Variants in TJP1 observed in about 807,000 individuals in gnomAD.
TJP1 encodes tight junction protein 1, also known as tight junction protein ZO-1.
In TJP1, 43 loss-of-function variants were observed where a neutral mutation model predicts 194.2. That is an observed-to-expected ratio of 0.22 (90% CI 0.17 to 0.29). The LOEUF is 0.29. Ranked by LOEUF, TJP1 falls within the 10% of genes least tolerant of loss-of-function variation. The pLI is 1.00. For synonymous variants in TJP1, 801 were observed against 779.0 expected (o/e 1.03, Z -0.47); for missense variants, 1,971 against 2,185.7 (o/e 0.90, Z 1.96).
intron 23 of TJP1, 128 bp from the exon 24 acceptor site, chr15:29,711,128 T>TAGCTACCCATACTC: frequency 9.6e-7 from 1 of 1,045,868 alleles, no homozygotes; most frequent in Non-Finnish European, 1.3e-6. Flanking sequence ...TTCTCATGAG[T>TAGCTACCCATACTC]ATGGGTAGCT....
At chr15:29,933,830 T>C (rs1018534566) in intron 2 of TJP1, among the ~76,000 whole-genome samples, 2 of 151,776 alleles carry the variant, frequency 1.3e-5, no homozygotes, top group African/African-American at 4.8e-5. Context: ...TTTAAAAGAG[T>C]TCTGGATCAT....
intron 16 of TJP1, 119 bp downstream of exon 16, chr15:29,727,818 T>G: frequency 1.4e-6 from 1 of 730,422 alleles, no homozygotes; most frequent in Non-Finnish European, 2.3e-6. Flanking sequence ...GGCTTAATTT[T>G]CTTATAGTAT....
intron 1 of TJP1, among the ~76,000 whole-genome samples, chr15:29,801,100 T>C (rs1013732085): frequency 3.3e-5 from 5 of 152,216 alleles, no homozygotes; most frequent in Non-Finnish European, 7.3e-5. Context: ...TAAATGCCTC[T>C]GAACACAGTA....
Position 29,955,081 on chromosome 15 carries a change from GA to G in TJP1, c.306+1150del, listed in dbSNP as rs973904104. Among the ~76,000 whole-genome samples, 608 of 144,264 alleles carry G rather than the reference GA, an allele frequency of 4.2e-3. 3 individuals carry two copies. Among genetic ancestry groups the G allele is most frequent in the Non-Finnish European group, 5.9e-3 (386 of 65,704 alleles). The allele number at this position is 144,264 out of a possible 152,430, so 94.6% of individuals were successfully genotyped here. ...GGCAACAGAGCAAGACTCCATCTCA[GA>G]AAAAAAAAAATAATAATAATAGAGT... On this transcript the variant is annotated intron_variant, in intron 2 of 28. Coordinates refer to the TJP1 transcript ENST00000356107.
In TJP1 at chr15:29,780,651, T is replaced by A. The variant is rs536556545; in HGVS notation, c.85-7294A>T. Among the ~76,000 whole-genome samples the A allele has an allele frequency of 3.6e-4, 55 of 152,192 alleles. 1 individual carries two copies. In the South Asian group the frequency reaches 0.011, roughly 30 times the overall value. ...ATAACATCTCTGCAGACAATAAAAG[T>A]ATGCCTGAAAGAAGGCTTAAAAGAG... On this transcript the variant is annotated intron_variant, in intron 2 of 27. Coordinates refer to ENST00000614355, the MANE Select transcript of TJP1 (RefSeq NM_001330239.4).
chr15:29,829,009 C>T (rs190085537), intron 2 of TJP1, among the ~76,000 whole-genome samples: 247 of 152,228 alleles, frequency 1.6e-3, no homozygotes, highest in African/African-American at 5.5e-3. Flanking sequence ...GCCTTGGCCT[C>T]CCTAAGTGCT....
chr15:29,766,681 A>C (rs1566983324), intron 4 of TJP1, 139 bp from the exon 5 acceptor site: 1 of 782,424 alleles, frequency 1.3e-6, no homozygotes, highest in East Asian at 3.1e-5. Flanking sequence ...CAACTACAAC[A>C]AATTTCTAAG....
chr15:29,710,463 A>C (rs1418235137), intron 24 of TJP1, among the ~76,000 whole-genome samples: 1 of 152,222 alleles, frequency 6.6e-6, no homozygotes, highest in East Asian at 1.9e-4. Context: ...CTGGTATGTA[A>C]ATGCAAAAGT....
chr15:29,822,293 C>T lies in TJP1; in HGVS notation c.-265G>A. 1.8e-6 allele frequency: 2 copies of T among 1,132,666 alleles called. No homozygotes were observed. Among genetic ancestry groups the T allele is most frequent in the Non-Finnish European group, 2.2e-6 (2 of 923,956 alleles). The allele number at this position is 1,132,666 out of a possible 1,614,324, so 70.2% of individuals were successfully genotyped here. ...GCGCGGCCACCCACTCGGCCTCCCG[C>T]AGCTTTCGCAGCCCGGCCACGTCGG... On this transcript the variant is annotated 5_prime_UTR_variant, in exon 1 of 28. Coordinates refer to ENST00000614355, the MANE Select transcript of TJP1 (RefSeq NM_001330239.4).
At chr15:29,949,534 C>CACA (rs2055504050) in intron 2 of TJP1, among the ~76,000 whole-genome samples, 7 of 140,836 alleles carry the variant, frequency 5.0e-5, no homozygotes, top group South Asian at 2.3e-4. Flanking sequence ...CCACCACCTC[C>CACA]ACCACCACCA....
At chr15:29,791,936 C>T (rs1218991958) in intron 2 of TJP1, among the ~76,000 whole-genome samples, 3 of 152,202 alleles carry the variant, frequency 2.0e-5, no homozygotes, top group East Asian at 3.9e-4. Flanking sequence ...AACATCTATT[C>T]AGCTCTTGTG....
At chr15:29,903,687 G>A (rs1299420974) in intron 2 of TJP1, among the ~76,000 whole-genome samples, 1 of 152,046 alleles carries the variant, frequency 6.6e-6, no homozygotes, top group African/African-American at 2.4e-5. Context: ...CTTGTGATCC[G>A]CCCGCCTCGG....
Position 29,742,798 on chromosome 15 carries a change from T to C in TJP1, c.1011-17A>G. On this transcript the variant is annotated splice_polypyrimidine_tract_variant and intron_variant, in intron 8 of 27. Transcript: ENST00000614355. ...CTCCGGAGACTGTGTGTCATTAAAATAAAAAATCAAGAGCATAAGAATGAT... is the reference window on the plus strand; with the variant it reads ...CTCCGGAGACTGTGTGTCATTAAAACAAAAAATCAAGAGCATAAGAATGAT... 1.9e-6 allele frequency: 3 copies of C among 1,564,438 alleles called. 1 individual carries two copies. Among genetic ancestry groups the C allele is most frequent in the South Asian group, 2.5e-5 (2 of 80,876 alleles).
chr15:29,766,304 G>C lies in TJP1; in HGVS notation c.551C>G (p.Pro184Arg). Residue 184 changes from proline to arginine, a missense_variant, in exon 5 of 28, where the codon CCT becomes CGT. By Grantham distance (103) the Pro-to-Arg change is moderately radical. Coordinates refer to ENST00000614355, the MANE Select transcript of TJP1 (RefSeq NM_001330239.4). ...GGATTTCACCAGTGTGACTTTAGTA[G>C]GTTTAGCAGGCTGGCTGGAAGCCAC... The part of the protein sequence containing the change: ...RSVASSQPAK[P>R]TKVTLVKSRK... 1 of 1,614,112 alleles carries C rather than the reference G, an allele frequency of 6.2e-7. No homozygotes were observed.
chr15:29,950,165 A>ACCTC (rs1289453912), intron 2 of TJP1, among the ~76,000 whole-genome samples: 1 of 94,642 alleles, frequency 1.1e-5, no homozygotes, highest in Non-Finnish European at 2.2e-5. Context: ...CACCACCACC[A>ACCTC]CAACCACTAC....
intron 4 of TJP1, among the ~76,000 whole-genome samples, chr15:29,767,979 G>A (rs2046427429): frequency 6.6e-6 from 1 of 151,998 alleles, no homozygotes; most frequent in African/African-American, 2.4e-5. Context: ...CCTAAAATCT[G>A]TCCTCTACCT....
At chr15:29,813,850 G>A (rs1476763118) in intron 1 of TJP1, among the ~76,000 whole-genome samples, 1 of 152,188 alleles carries the variant, frequency 6.6e-6, no homozygotes, top group Non-Finnish European at 1.5e-5. Flanking sequence ...ACCTACAACA[G>A]TGATTGGTAC....
intron 2 of TJP1, among the ~76,000 whole-genome samples, chr15:29,774,631 G>T (rs994977603): frequency 3.3e-5 from 5 of 151,944 alleles, no homozygotes; most frequent in African/African-American, 9.6e-5. Context: ...TCAATGGGAG[G>T]TGTTTTTTTT....
At chr15:29,764,919 TA>T (rs1333369813) in intron 5 of TJP1, among the ~76,000 whole-genome samples, 2 of 151,952 alleles carry the variant, frequency 1.3e-5, no homozygotes, top group African/African-American at 4.8e-5. Flanking sequence ...TGAGATTGCC[TA>T]AATTAATTGT....
Sources: gnomAD v4.1 joint callset for allele counts (sites outside exome capture counted in the v4.1 genomes callset) on GRCh38, gnomAD v4.1.1 for gene constraint, MANE v1.5 for transcripts, NCBI Gene and HGNC (gene_info 2026-07-23, HGNC 2026-07-21) for gene names.